Variants in RYR2 observed in about 807,000 individuals in gnomAD.
RYR2 encodes cardiac muscle ryanodine receptor-calcium release channel.
In RYR2, 227 loss-of-function variants were observed where a neutral mutation model predicts 601.1. The observed-to-expected ratio is 0.38, with a 90% CI of 0.34 to 0.42. The LOEUF (loss-of-function observed/expected upper bound fraction) is 0.42. Among genes scored for constraint, RYR2 ranks in the 10% least tolerant of loss-of-function variants. The pLI is 1.00. For missense variants in RYR2, 4,646 were observed against 6,156.5 expected (o/e 0.75, Z 8.21); for synonymous variants, 2,223 against 2,175.1 (o/e 1.02, Z -0.61).
chr1:237,481,519 A>G (rs1183532108), intron 17 of RYR2, among the ~76,000 whole-genome samples: 1 of 152,178 alleles, frequency 6.6e-6, no homozygotes, highest in Non-Finnish European at 1.5e-5. Flanking sequence ...GGTAGACCCA[A>G]TTCTCCTTGG....
At chr1:237,259,593 T>C (rs143086372) in intron 1 of RYR2, among the ~76,000 whole-genome samples, 317 of 150,546 alleles carry the variant, frequency 2.1e-3, no homozygotes, top group African/African-American at 7.4e-3. Flanking sequence ...ACAGCATAAA[T>C]AGTTAAGCCT....
intron 17 of RYR2, among the ~76,000 whole-genome samples, chr1:237,488,727 G>A (rs951785665): frequency 8.6e-5 from 13 of 150,930 alleles, no homozygotes; most frequent in African/African-American, 2.7e-4. Flanking sequence ...ATTCTCCCCC[G>A]CCCTTAAGAA....
chr1:237,110,908 C>T (rs1460784796), intron 1 of RYR2, among the ~76,000 whole-genome samples: 1 of 152,230 alleles, frequency 6.6e-6, no homozygotes, highest in Non-Finnish European at 1.5e-5. Flanking sequence ...TCTACCACAA[C>T]CCTGTGAGGT....
intron 63 of RYR2, among the ~76,000 whole-genome samples, chr1:237,693,171 T>C (rs1287981724): frequency 6.6e-6 from 1 of 152,084 alleles, no homozygotes; most frequent in East Asian, 1.9e-4. Context: ...TTAAGAAAAA[T>C]GTAGTACCTA....
At chr1:237,715,136 T>C (rs1012631461) in intron 71 of RYR2, among the ~76,000 whole-genome samples, 1 of 151,874 alleles carries the variant, frequency 6.6e-6, no homozygotes, top group African/African-American at 2.4e-5. Flanking sequence ...AATGCACAGA[T>C]TGAAAATGAA....
Position 237,787,978 on chromosome 1 carries a change from G to C in RYR2, c.13329-10G>C, listed in dbSNP as rs754319442. 28 of 1,578,114 alleles carry C rather than the reference G, an allele frequency of 1.8e-5. No individual in the cohort carries two copies. Among genetic ancestry groups the C allele is most frequent in the Non-Finnish European group, 2.3e-5 (27 of 1,160,854 alleles). On this transcript the variant is annotated splice_polypyrimidine_tract_variant and intron_variant, in intron 91 of 104. Coordinates refer to ENST00000366574, the MANE Select transcript of RYR2 (RefSeq NM_001035.3). Reference sequence around the variant, plus strand: ...TGGAGAGCTTATGTTTTGTTTGTTTGTTTTCATAGGGGAGAAGATGGAGAA... The same window carrying C: ...TGGAGAGCTTATGTTTTGTTTGTTTCTTTTCATAGGGGAGAAGATGGAGAA...
intron 14 of RYR2, among the ~76,000 whole-genome samples, chr1:237,453,081 C>T (rs1406990496): frequency 6.6e-6 from 1 of 151,888 alleles, no homozygotes; most frequent in African/African-American, 2.4e-5. Flanking sequence ...ATTTGTTATA[C>T]ATTTATTTAT....
chr1:237,466,717 T>A (rs993456728), intron 16 of RYR2, among the ~76,000 whole-genome samples: 1 of 152,052 alleles, frequency 6.6e-6, no homozygotes, highest in African/African-American at 2.4e-5. Context: ...TTTCACCCAA[T>A]TGCTTAGCAA....
chr1:237,141,061 A>C (rs546719169), intron 1 of RYR2, among the ~76,000 whole-genome samples: 1 of 152,324 alleles, frequency 6.6e-6, no homozygotes, highest in East Asian at 1.9e-4. Flanking sequence ...AATCTTGTAC[A>C]TGTCTTCTTG....
intron 35 of RYR2, among the ~76,000 whole-genome samples, chr1:237,602,830 T>G (rs1325555932): frequency 1.3e-5 from 2 of 152,188 alleles, no homozygotes; most frequent in African/African-American, 2.4e-5. Flanking sequence ...TTGAGCATAA[T>G]GAAACTTGTT....
At chr1:237,774,676 C>T (rs897208178) in intron 87 of RYR2, among the ~76,000 whole-genome samples, 12 of 152,148 alleles carry the variant, frequency 7.9e-5, no homozygotes, top group African/African-American at 2.9e-4. Context: ...TACTCACAGT[C>T]CCATTTCCTT....
At chr1:237,272,445 C>G (rs1689794854) in intron 2 of RYR2, among the ~76,000 whole-genome samples, 1 of 151,916 alleles carries the variant, frequency 6.6e-6, no homozygotes, top group East Asian at 1.9e-4. Context: ...AGGCTACACT[C>G]TCTCTTCTCC....
At chr1:237,645,064 A>T (rs980301254) in intron 48 of RYR2, among the ~76,000 whole-genome samples, 13 of 152,172 alleles carry the variant, frequency 8.5e-5, no homozygotes, top group African/African-American at 2.7e-4. Flanking sequence ...ATAATTAGGC[A>T]GGAAGTGCAT....
rs117770358 is a variant in RYR2 at position 237,083,048 on chromosome 1, G to T, written c.48+40479G>T. ...TGTTGCCCGTTCAGAATTATAGCCT[G>T]GCCCTGCTTCTGGGATGCAGTATGG... On this transcript the variant is annotated intron_variant, in intron 1 of 104. Coordinates refer to ENST00000366574, the MANE Select transcript of RYR2 (RefSeq NM_001035.3). 3.9e-5 allele frequency among the ~76,000 whole-genome samples: 6 copies of T among 152,218 alleles called. No individual in the cohort carries two copies. The East Asian group carries it at 1.2e-3, about 29-fold the overall frequency.
chr1:237,344,315 C>T (rs1178410500), intron 3 of RYR2, among the ~76,000 whole-genome samples: 1 of 152,118 alleles, frequency 6.6e-6, no homozygotes, highest in Admixed American at 6.5e-5. Context: ...TCCAGCAGAC[C>T]GTTCCTAATT....
In RYR2 at chr1:237,832,842, T is replaced by C. The variant is rs1663959255; in HGVS notation, c.*195T>C. ...TTGTATTTACTTTGAGACTAAAGAC[T>C]GAAGAATAATCTAAATTCATACTCA... On this transcript the variant is annotated 3_prime_UTR_variant, in exon 105 of 105. Transcript: ENST00000366574. The C allele has an allele frequency of 4.2e-6, 2 of 481,702 alleles. No individual in the cohort carries two copies. The highest frequency in any genetic ancestry group is 3.6e-5 in the Admixed American group (1 of 27,474). 29.8% of individuals were successfully genotyped at this position (481,702 alleles called of 1,614,324 possible).
chr1:237,441,626 A>G, intron 13 of RYR2, 143 bp downstream of exon 13: 1 of 645,992 alleles, frequency 1.5e-6, no homozygotes, highest in Non-Finnish European at 2.5e-6. Context: ...CCACTGTAAT[A>G]GACTCTTTAG....
chr1:237,420,321 A>G (rs1705427500), intron 11 of RYR2, among the ~76,000 whole-genome samples: 1 of 152,194 alleles, frequency 6.6e-6, no homozygotes, highest in African/African-American at 2.4e-5. Flanking sequence ...TCTATTTTTT[A>G]TGTTGCAAAT....
chr1:237,389,915 G>A (rs1483460103), intron 10 of RYR2, among the ~76,000 whole-genome samples: 3 of 152,150 alleles, frequency 2.0e-5, no homozygotes, highest in Non-Finnish European at 4.4e-5. Flanking sequence ...GAAGAGCTGG[G>A]ATTAGATGTG....
Sources: gnomAD v4.1 joint callset for allele counts (sites outside exome capture counted in the v4.1 genomes callset) on GRCh38, gnomAD v4.1.1 for gene constraint, MANE v1.5 for transcripts, NCBI Gene and HGNC (gene_info 2026-07-23, HGNC 2026-07-21) for gene names.